ECHDC2: variants seen among roughly 807,000 people sequenced by gnomAD.
ECHDC2 encodes enoyl-CoA hydratase domain-containing protein 2, mitochondrial.
Under a neutral mutation model 40.6 loss-of-function variants are expected in ECHDC2, and 34 were observed. That is an observed-to-expected ratio of 0.84 (90% CI 0.64 to 1.11). The LOEUF is 1.11. Ranked by LOEUF, ECHDC2 falls within the 50% of genes most tolerant of loss-of-function variation. ECHDC2 has a pLI of 0.00. For missense variants in ECHDC2, 392 were observed against 400.7 expected, an observed-to-expected ratio of 0.98 and a Z score of 0.19; for synonymous variants, 162 against 166.6, an observed-to-expected ratio of 0.97 and a Z score of 0.21.
rs369556903 is a variant in ECHDC2 at position 52,899,113 on chromosome 1, C to T, written c.753+61G>A. 9 of 1,545,146 alleles carry T rather than the reference C, an allele frequency of 5.8e-6. No individual in the cohort carries two copies. In the African/African-American group the frequency reaches 1.2e-4, roughly 21 times the overall value. On this transcript the variant is annotated intron_variant, in intron 8 of 9. Coordinates refer to ENST00000371522, the MANE Select transcript of ECHDC2 (RefSeq NM_001198961.2). Reference sequence around the variant, plus strand: ...AGCTGTGCTGTCTGAGCTCTGAAAGCACTGTGTCCCAGCCGCGACCAACTT... The same window carrying T: ...AGCTGTGCTGTCTGAGCTCTGAAAGTACTGTGTCCCAGCCGCGACCAACTT...
At chr1:52,901,751 A>C (rs192606708) in intron 7 of ECHDC2, 2 of 152,340 alleles carry the variant, frequency 1.3e-5, no homozygotes, top group South Asian at 4.1e-4. Context: ...ATACAAAGCT[A>C]CTTTTAAGTA....
intron 4 of ECHDC2, among the ~76,000 whole-genome samples, 156 bp from the exon 5 acceptor site, chr1:52,906,767 T>TC (rs1390874175): frequency 7.3e-6 from 1 of 136,392 alleles, no homozygotes; most frequent in Non-Finnish European, 1.5e-5. Flanking sequence ...CTTAATTCTT[T>TC]TTTTTTTTTT....
rs1343982814 is a variant in ECHDC2, at chr1:52,907,952, C to T, written c.280G>A (p.Ala94Thr). The T allele has an allele frequency of 6.2e-7, 1 of 1,614,058 alleles. No individual in the cohort carries two copies. The highest frequency in any genetic ancestry group is 1.1e-5 in the South Asian group (1 of 91,046). The change falls in exon 4 of 10, where the codon GCA (alanine) becomes ACA (threonine). Residue 94 changes from alanine to threonine, a missense_variant and splice_region_variant. By Grantham distance (58) the Ala-to-Thr change is moderately conservative. Transcript: ENST00000371522. ...ATCTGTTCCCGCTCCTTCAGGTCTG[C>T]ACCTGCAGATGGCGAGGGTTGGTAC... ...SGVKGVFCAG[A>T]DLKEREQMSE...
At chr1:52,919,588 A>G (rs1651450845) in intron 1 of ECHDC2, among the ~76,000 whole-genome samples, 2 of 152,234 alleles carry the variant, frequency 1.3e-5, no homozygotes, top group Non-Finnish European at 2.9e-5. Context: ...ACATGACTCT[A>G]TGAGAAATAA....
At chr1:52,911,271 C>T (rs1388482816) in intron 3 of ECHDC2, among the ~76,000 whole-genome samples, 1 of 152,096 alleles carries the variant, frequency 6.6e-6, no homozygotes, top group Admixed American at 6.5e-5. Context: ...GCCACTGTAC[C>T]CGTCTTGGAC....
intron 4 of ECHDC2, chr1:52,907,099 C>CT (rs934079030): frequency 0.049 from 6,314 of 127,924 alleles, 562 homozygotes; most frequent in African/African-American, 0.17. Context: ...TTCCTTTTTT[C>CT]TTTTTTTTTT....
At chr1:52,904,902 G>A (rs1647358778) in intron 6 of ECHDC2, 69 bp from the exon 7 acceptor site, 1 of 1,595,464 alleles carries the variant, frequency 6.3e-7, no homozygotes, top group Non-Finnish European at 8.6e-7. Flanking sequence ...GCTCAGCCTG[G>A]GACTCAGCCA....
At chr1:52,899,951 A>G (rs1039740669) in intron 7 of ECHDC2, 15 of 151,578 alleles carry the variant, frequency 9.9e-5, no homozygotes, top group African/African-American at 3.6e-4. Context: ...CCTATATCAT[A>G]TTATTTGAAG....
At chr1:52,904,352 C>A (rs946325701) in intron 7 of ECHDC2, among the ~76,000 whole-genome samples, 1 of 152,224 alleles carries the variant, frequency 6.6e-6, no homozygotes, top group African/African-American at 2.4e-5. Context: ...GGCTCCCATA[C>A]TGGATAAGCA....
In ECHDC2 at chr1:52,905,148, C is replaced by G. The variant is rs1032008586; in HGVS notation, c.458-58G>C. On this transcript the variant is annotated intron_variant, in intron 5 of 9. Coordinates refer to ENST00000371522, the MANE Select transcript of ECHDC2 (RefSeq NM_001198961.2). Reference sequence around the variant, plus strand: ...CCCCATCCGGTCCCCCAGTGCTAATCCCGGGGGCCACAGCTGCCTCTGCTG... The same window carrying G: ...CCCCATCCGGTCCCCCAGTGCTAATGCCGGGGGCCACAGCTGCCTCTGCTG... 7 of 1,582,148 alleles carry G rather than the reference C, an allele frequency of 4.4e-6. No homozygotes were observed. In the African/African-American group the frequency reaches 8.1e-5, roughly 18 times the overall value.
rs981159560 is a variant in ECHDC2, at chr1:52,914,334, G to A, written c.122-2544C>T. The stretch of plus-strand genomic sequence containing the variant: ...TAAGTGTGCATGCATGGGTGCATAT[G>A]TGAGCGTGTGCATGAGTGCCTGTGT... On this transcript the variant is annotated intron_variant, in intron 1 of 9. Transcript: ENST00000371522. The surrounding 1 kb of genome is among the most constrained non-coding windows in gnomAD (Gnocchi z 4.0). Among the ~76,000 whole-genome samples, 1 of 152,182 alleles carries A rather than the reference G, an allele frequency of 6.6e-6. No homozygotes were observed. The highest frequency in any genetic ancestry group is 2.4e-5 in the African/African-American group (1 of 41,440).
chr1:52,909,711 C>G (rs1648927094), intron 3 of ECHDC2, among the ~76,000 whole-genome samples: 1 of 152,152 alleles, frequency 6.6e-6, no homozygotes, highest in Non-Finnish European at 1.5e-5. Flanking sequence ...AATGTAAATA[C>G]TATGTAAACT....
At chr1:52,906,942 T>C in intron 4 of ECHDC2, 1 of 109,444 alleles carries the variant, frequency 9.1e-6, no homozygotes, top group South Asian at 3.5e-4. Context: ...TTTTTTTGTA[T>C]TTTTTTTTTT....
Position 52,905,134 on chromosome 1 carries a change from C to T in ECHDC2, c.458-44G>A, listed in dbSNP as rs771898533. The T allele has an allele frequency of 5.0e-6, 8 of 1,605,306 alleles. No individual in the cohort carries two copies. In the African/African-American group the frequency reaches 6.7e-5, roughly 13 times the overall value. ...GTGAGGCCTCCCTCCCCCATCCGGT[C>T]CCCCAGTGCTAATCCCGGGGGCCAC... On this transcript the variant is annotated intron_variant, in intron 5 of 9. Transcript: ENST00000371522.
intron 1 of ECHDC2, chr1:52,920,730 G>A: frequency 4.6e-5 from 24 of 522,572 alleles, no homozygotes; most frequent in South Asian, 1.2e-4. Context: ...GTACATTTAA[G>A]AATAAACTTT....
At chr1:52,921,430 A>G in intron 1 of ECHDC2, 123 bp downstream of exon 1, 1 of 1,437,172 alleles carries the variant, frequency 7.0e-7, no homozygotes, top group South Asian at 1.5e-5. Flanking sequence ...GGGCGCCTAG[A>G]ACTGGGAGGG....
Position 52,904,790 on chromosome 1 carries a change from C to T in ECHDC2, c.558G>A (p.Ala186=), listed in dbSNP as rs376747011. 7.8e-5 allele frequency: 126 copies of T among 1,612,990 alleles called. No individual in the cohort carries two copies. The highest frequency in any genetic ancestry group is 7.5e-5 in the Non-Finnish European group (88 of 1,179,914). Reference sequence around the variant, plus strand: ...GTCGGCCCGTGAAGATGAGCTCCTTCGCCAGGGCCACCCCCAGACAACGGG... The same window carrying T: ...GTCGGCCCGTGAAGATGAGCTCCTTTGCCAGGGCCACCCCCAGACAACGGG... ...RLPRCLGVAL[A]KELIFTGRRL... is the part of the protein sequence containing the mutation. Residue 186 remains alanine, a synonymous_variant, in exon 7 of 10, where the codon GCG becomes GCA. Coordinates refer to ENST00000371522, the MANE Select transcript of ECHDC2 (RefSeq NM_001198961.2).
chr1:52,905,322 A>C, intron 5 of ECHDC2: 1 of 571,146 alleles, frequency 1.8e-6, no homozygotes, highest in Non-Finnish European at 3.1e-6. Flanking sequence ...GTCACCAGCA[A>C]GTCTCACCCT....
intron 1 of ECHDC2, chr1:52,912,718 AT>A (rs538385498): frequency 4.3e-4 from 64 of 148,212 alleles, no homozygotes; most frequent in African/African-American, 1.1e-3. Flanking sequence ...TTTCTTTATA[AT>A]TTTTTTTTTT....
Sources: allele counts gnomAD v4.1 joint callset (sites outside exome capture counted in the v4.1 genomes callset), GRCh38; gene constraint gnomAD v4.1.1; non-coding constraint Gnocchi (gnomAD v3.1); transcripts MANE v1.5; gene names NCBI Gene and HGNC (gene_info 2026-07-23, HGNC 2026-07-21).